The following MMS22L variants were observed in gnomAD, a reference collection of about 807,000 sequenced individuals.
MMS22L encodes MMS22 like, DNA repair protein.
A neutral mutation model predicts 159.1 loss-of-function variants in MMS22L; 74 were observed. That is an observed-to-expected ratio of 0.47 (90% CI 0.39 to 0.56). The LOEUF is 0.56. MMS22L is among the 20% of genes least tolerant of loss of function. The pLI is 0.00. For missense variants in MMS22L, 1,351 were observed against 1,422.1 expected (o/e 0.95, Z 0.80); for synonymous variants, 517 against 506.9 (o/e 1.02, Z -0.27).
Position 97,143,457 on chromosome 6 carries a change from G to C in MMS22L, c.*3349C>G, listed in dbSNP as rs1430920665. The C allele has an allele frequency of 6.6e-6, 1 of 152,168 alleles. No homozygotes were observed. Among genetic ancestry groups the C allele is most frequent in the East Asian group, 1.9e-4 (1 of 5,198 alleles). 9.4% of individuals were successfully genotyped at this position (152,168 alleles called of 1,614,324 possible). On this transcript the variant is annotated 3_prime_UTR_variant, in exon 25 of 25. Coordinates refer to ENST00000683635, the MANE Select transcript of MMS22L (RefSeq NM_001350599.2). The stretch of plus-strand genomic sequence containing the variant: ...AACATCACCTTATAAACAATGGTAA[G>C]TTACTGGAAGTCCTCGAGCAGAAAA...
intron 11 of MMS22L, among the ~76,000 whole-genome samples, chr6:97,234,356 C>G (rs1811177926): frequency 6.6e-6 from 1 of 152,126 alleles, no homozygotes; most frequent in South Asian, 2.1e-4. Context: ...AGTGCTTGGT[C>G]ATACTTAAGT....
At chr6:97,156,261 C>T (rs556862186) in intron 22 of MMS22L, among the ~76,000 whole-genome samples, 2 of 152,292 alleles carry the variant, frequency 1.3e-5, no homozygotes, top group Admixed American at 6.5e-5. Flanking sequence ...AATTTTCTCT[C>T]ATTCTGTAGG....
rs1800820724 is a variant in MMS22L at position 97,144,791 on chromosome 6, C to G, written c.*2015G>C. 1 of 151,880 alleles carries G rather than the reference C, an allele frequency of 6.6e-6. No individual in the cohort carries two copies. Among genetic ancestry groups the G allele is most frequent in the Non-Finnish European group, 1.5e-5 (1 of 67,946 alleles). The allele number at this position is 151,880 out of a possible 1,614,324, so 9.4% of individuals were successfully genotyped here. A position where few individuals can be genotyped will look rare whatever the true frequency, so the allele number is the denominator to read the frequency against. On this transcript the variant is annotated 3_prime_UTR_variant, in exon 25 of 25. Transcript: ENST00000683635. ...CTTCTTTTTTCAATTTAAAAAAAAG[C>G]TTTAAAAAAAGTTACTTATACATAA...
In MMS22L at chr6:97,229,024, T is replaced by A; in HGVS notation, c.1909A>T (p.Thr637Ser). Residue 637 changes from threonine to serine, a missense_variant, in exon 14 of 25, where the codon ACC becomes TCC. Physicochemically the swap from Thr to Ser is moderately conservative, Grantham distance 58. Transcript: ENST00000683635. Reference protein sequence around the residue: ...YIDGVQEVFETSYCLYPSHEK... With the variant: ...YIDGVQEVFESSYCLYPSHEK... ...TGGGAAGGATACAAGCAATAGCTGG[T>A]CTCAAACACTTCTTGAACACCATCA... is the stretch of plus-strand genomic sequence containing the variant. 1.9e-6 allele frequency: 3 copies of A among 1,614,076 alleles called. No homozygotes were observed. Among genetic ancestry groups the A allele is most frequent in the Middle Eastern group, 1.6e-4 (1 of 6,062 alleles).
chr6:97,207,468 A>T (rs1359075222), intron 14 of MMS22L, among the ~76,000 whole-genome samples: 1 of 152,234 alleles, frequency 6.6e-6, no homozygotes, highest in Non-Finnish European at 1.5e-5. Flanking sequence ...TGCTTTAAAA[A>T]AAATTATCAC....
intron 9 of MMS22L, chr6:97,261,198 T>C (rs1814441647): frequency 6.6e-6 from 1 of 152,176 alleles, no homozygotes; most frequent in Admixed American, 6.5e-5. Context: ...GGTAAGAGCT[T>C]TAGAGGTTTT....
chr6:97,149,648 T>C (rs1357745062), intron 24 of MMS22L, among the ~76,000 whole-genome samples: 2 of 152,342 alleles, frequency 1.3e-5, no homozygotes, highest in African/African-American at 4.8e-5. Context: ...TGCAAATTTA[T>C]GTATTGATTT....
At chr6:97,236,776 C>A (rs930954106) in intron 11 of MMS22L, among the ~76,000 whole-genome samples, 2 of 151,928 alleles carry the variant, frequency 1.3e-5, no homozygotes, top group African/African-American at 4.8e-5. Flanking sequence ...ACGGTGAAAC[C>A]CCGTCTCTAC....
chr6:97,178,314 A>G, intron 18 of MMS22L, 129 bp downstream of exon 18: 1 of 669,724 alleles, frequency 1.5e-6, no homozygotes, highest in East Asian at 3.0e-5. Context: ...ACTTTATAAT[A>G]GCAGGCAATC....
In MMS22L at chr6:97,282,737, G is replaced by A. The variant is rs144389822; in HGVS notation, c.-76-184C>T. ...CAAAATGCACAACCAACTGGCTGTG[G>A]CAGGGACCTCGAAATCCGGCCACTA... On this transcript the variant is annotated intron_variant, in intron 1 of 24. Transcript: ENST00000683635. 6.6e-3 allele frequency among the ~76,000 whole-genome samples: 1,011 copies of A among 152,260 alleles called. 12 individuals are homozygous for A. The highest frequency in any genetic ancestry group is 0.023 in the African/African-American group (960 of 41,546).
At chr6:97,164,814 T>C (rs1010410043) in intron 21 of MMS22L, among the ~76,000 whole-genome samples, 9 of 152,010 alleles carry the variant, frequency 5.9e-5, no homozygotes, top group Non-Finnish European at 4.4e-5. Flanking sequence ...AGACTGGGTT[T>C]CACCATGATG....
At chr6:97,255,803 C>G (rs184334828) in intron 9 of MMS22L, among the ~76,000 whole-genome samples, 1 of 151,996 alleles carries the variant, frequency 6.6e-6, no homozygotes, top group East Asian at 1.9e-4. Flanking sequence ...TAAATTGCTA[C>G]GGTTAACACC....
At chr6:97,190,772 A>C (rs1322397852) in intron 14 of MMS22L, among the ~76,000 whole-genome samples, 1 of 152,186 alleles carries the variant, frequency 6.6e-6, no homozygotes, top group African/African-American at 2.4e-5. Flanking sequence ...GTGGCTTTGG[A>C]AAAACAAGTA....
chr6:97,259,372 T>C (rs1814196165), intron 9 of MMS22L: 1 of 152,196 alleles, frequency 6.6e-6, no homozygotes, highest in South Asian at 2.1e-4. Context: ...CGTTGAGAGT[T>C]ACATTTTAAT....
intron 14 of MMS22L, among the ~76,000 whole-genome samples, chr6:97,188,613 A>G (rs1805503986): frequency 6.6e-6 from 1 of 152,180 alleles, no homozygotes; most frequent in Non-Finnish European, 1.5e-5. Flanking sequence ...ACACTAAGAC[A>G]TGCACCCTTA....
intron 9 of MMS22L, chr6:97,258,958 T>C (rs1425152908): frequency 6.6e-6 from 1 of 152,216 alleles, no homozygotes; most frequent in African/African-American, 2.4e-5. Context: ...TTTTAGGGCA[T>C]GTGGAACATT....
At chr6:97,243,353 T>C (rs191062227) in intron 11 of MMS22L, among the ~76,000 whole-genome samples, 77 of 152,244 alleles carry the variant, frequency 5.1e-4, no homozygotes, top group Non-Finnish European at 8.2e-4. Flanking sequence ...CTCTTTCTTC[T>C]ACTTGTTTGA....
At chr6:97,159,724 T>G (rs1485249169) in intron 22 of MMS22L, among the ~76,000 whole-genome samples, 1 of 151,896 alleles carries the variant, frequency 6.6e-6, no homozygotes, top group Non-Finnish European at 1.5e-5. Flanking sequence ...GCATATACTA[T>G]TTATAAATAT....
intron 9 of MMS22L, chr6:97,259,674 G>A (rs1385172906): frequency 1.4e-5 from 2 of 144,612 alleles, no homozygotes; most frequent in African/African-American, 5.1e-5. Flanking sequence ...ATAACTCTGC[G>A]AGCCAATTCA....
Sources: gnomAD v4.1 joint callset for allele counts (sites outside exome capture counted in the v4.1 genomes callset) on GRCh38, gnomAD v4.1.1 for gene constraint, MANE v1.5 for transcripts, NCBI Gene and HGNC (gene_info 2026-07-23, HGNC 2026-07-21) for gene names.